Variants in RDH5 observed in about 807,000 individuals in gnomAD.
RDH5 encodes the protein retinol dehydrogenase 5.
Under a neutral mutation model 24.0 loss-of-function variants are expected in RDH5, and 25 were observed. That is an observed-to-expected ratio of 1.04 (90% CI 0.76 to 1.46). The LOEUF (loss-of-function observed/expected upper bound fraction) is 1.46, where lower values mean the gene tolerates loss of function less well. RDH5 is among the 40% of genes most tolerant of loss of function. RDH5 has a pLI of 0.00. For missense variants in RDH5, 369 were observed against 410.3 expected (o/e 0.90, Z 0.87); for synonymous variants, 170 against 175.2 (o/e 0.97, Z 0.23).
Position 55,724,437 on chromosome 12 carries a change from A to C in RDH5, c.849A>C (p.Pro283=), listed in dbSNP as rs748459934. 19 of 1,614,066 alleles carry C rather than the reference A, an allele frequency of 1.2e-5. No homozygotes were observed. The highest frequency in any genetic ancestry group is 1.6e-5 in the Non-Finnish European group (19 of 1,180,042). Reference sequence around the variant, plus strand: ...GACACCCCCGAACCCGCTACAGCCCAGGTTGGGATGCCAAGCTGCTCTGGC... The same window carrying C: ...GACACCCCCGAACCCGCTACAGCCCCGGTTGGGATGCCAAGCTGCTCTGGC... ...TARHPRTRYS[P]GWDAKLLWLP... The change falls in exon 5 of 5, where the codon CCA becomes CCC. Residue 283 remains proline (P), a synonymous_variant. Coordinates refer to ENST00000257895, the MANE Select transcript of RDH5 (RefSeq NM_002905.5).
In RDH5 at chr12:55,721,455, C is replaced by G. The variant is rs1876915121; in HGVS notation, c.271C>G (p.Gln91Glu). The G allele has an allele frequency of 6.2e-7, 1 of 1,612,148 alleles. No homozygotes were observed. The highest frequency in any genetic ancestry group is 1.1e-5 in the South Asian group (1 of 91,088). The change falls in exon 2 of 5, where the codon CAG becomes GAG. Residue 91 changes from glutamine to glutamate, a missense_variant. By Grantham distance (29) the Gln-to-Glu change is conservative. Coordinates refer to ENST00000257895, the MANE Select transcript of RDH5 (RefSeq NM_002905.5). This position sits in a 1 kb window ranked among gnomAD's most constrained non-coding sequence, Gnocchi z 4.7. Reference protein sequence around the residue: ...LDITDPQSVQQAAKWVEMHVK... With the variant: ...LDITDPQSVQEAAKWVEMHVK... ...TATCACTGATCCCCAGAGCGTCCAG[C>G]AGGCAGCCAAGTGGGTGGAGATGCA...
chr12:55,723,650 T>G (rs1877034515), intron 3 of RDH5: 1 of 545,342 alleles, frequency 1.8e-6, no homozygotes, highest in African/African-American at 1.9e-5. Context: ...AAATATTAAC[T>G]CTCTGGCCCT....
chr12:55,723,441 G>T, intron 3 of RDH5: 1 of 246,608 alleles, frequency 4.1e-6, no homozygotes, highest in Non-Finnish European at 8.0e-6. Flanking sequence ...CCAGCACTCA[G>T]GGCTCAACCA....
At chr12:55,723,287 T>C (rs1877010067) in intron 3 of RDH5, 1 of 156,082 alleles carries the variant, frequency 6.4e-6, no homozygotes, top group Admixed American at 6.3e-5. Flanking sequence ...ACACATACTT[T>C]ATACTTGAAT....
chr12:55,722,190 G>A lies in RDH5; in HGVS notation c.569+243G>A, dbSNP rs189374846. On this transcript the variant is annotated intron_variant, in intron 3 of 4. Coordinates refer to ENST00000257895, the MANE Select transcript of RDH5 (RefSeq NM_002905.5). ...TTTTGAGATGGAGTCTTGCTCTGTC[G>A]CCAGGCTGGAGTGCAGTGGCGCGAT... 7.7e-4 allele frequency: 371 copies of A among 482,830 alleles called. 4 individuals carry two copies. The highest frequency in any genetic ancestry group is 6.5e-3 in the African/African-American group (336 of 51,604). 29.9% of individuals were successfully genotyped at this position (482,830 alleles called of 1,614,324 possible).
intron 1 of RDH5, chr12:55,720,769 C>A: frequency 4.7e-6 from 1 of 215,040 alleles, no homozygotes; most frequent in Non-Finnish European, 9.4e-6. Context: ...ACACAAGACC[C>A]AGGTTGCATA....
intron 1 of RDH5, among the ~76,000 whole-genome samples, 168 bp from the exon 2 acceptor site, chr12:55,720,985 G>T (rs3138144): frequency 6.6e-6 from 1 of 151,840 alleles, no homozygotes; most frequent in African/African-American, 2.4e-5. Context: ...ACAAATACAG[G>T]GTCTGCCCAC....
Position 55,724,343 on chromosome 12 carries a change from T to A in RDH5, c.755T>A (p.Ile252Asn), listed in dbSNP as rs1238384992. ...GCAGACCTGAAAATGCAACAGCGCA[T>A]CATGAACCTGATCTGTGACCCGGAC... Reference protein sequence around the residue: ...LTKYLKMQQRIMNLICDPDLT... With the variant: ...LTKYLKMQQRNMNLICDPDLT... Residue 252 changes from isoleucine to asparagine, a missense_variant, in exon 5 of 5, where the codon ATC (isoleucine) becomes AAC (asparagine). Transcript: ENST00000257895. 1.2e-6 allele frequency: 2 copies of A among 1,614,118 alleles called. No individual in the cohort carries two copies. Among genetic ancestry groups the A allele is most frequent in the South Asian group, 2.2e-5 (2 of 91,086 alleles).
rs1225817636 is a variant in RDH5 at position 55,724,033 on chromosome 12, G to T, written c.717G>T (p.Gly239=). Residue 239 remains glycine (G), a synonymous_variant, in exon 4 of 5, where the codon GGG becomes GGT. Coordinates refer to ENST00000257895, the MANE Select transcript of RDH5 (RefSeq NM_002905.5). ...LPPATQAHYG[G]AFLTKYLKMQ... is the part of the protein sequence containing the mutation. ...CTGCCACACAGGCCCACTATGGGGGGGCCTTCCTCACCAAGTGTGAGTAGC... is the reference window on the plus strand; with the variant it reads ...CTGCCACACAGGCCCACTATGGGGGTGCCTTCCTCACCAAGTGTGAGTAGC... 6.2e-7 allele frequency: 1 copy of T among 1,611,136 alleles called. No individual in the cohort carries two copies.
chr12:55,721,094 A>C lies in RDH5; in HGVS notation c.-32-59A>C. On this transcript the variant is annotated intron_variant, in intron 1 of 4. Coordinates refer to ENST00000257895, the MANE Select transcript of RDH5 (RefSeq NM_002905.5). This position sits in a 1 kb window ranked among gnomAD's most constrained non-coding sequence, Gnocchi z 4.7. ...CCAGATGCTTCCAGCTAGGGAGGGT[A>C]TTAGGGGAAAGGGCTTGAGGGCCAC... The C allele has an allele frequency of 5.4e-6, 6 of 1,115,274 alleles. No homozygotes were observed. The highest frequency in any genetic ancestry group is 2.4e-5 in the East Asian group (1 of 42,280). 69.1% of individuals were successfully genotyped at this position (1,115,274 alleles called of 1,614,324 possible).
intron 4 of RDH5, 132 bp downstream of exon 4, chr12:55,724,181 T>G: frequency 6.9e-7 from 1 of 1,448,798 alleles, no homozygotes; most frequent in Non-Finnish European, 9.5e-7. Context: ...GTTACAAGAG[T>G]GCCCAGGCCA....
Position 55,724,310 on chromosome 12 carries a change from A to T in RDH5, c.734-12A>T, listed in dbSNP as rs371942312. 3 of 1,613,990 alleles carry T rather than the reference A, an allele frequency of 1.9e-6. No individual in the cohort carries two copies. Among genetic ancestry groups the T allele is most frequent in the Non-Finnish European group, 2.5e-6 (3 of 1,179,840 alleles). ...GAAGGGAAACTGATTGCAACCACCT[A>T]TGGGGCTGCAGACCTGAAAATGCAA... On this transcript the variant is annotated splice_polypyrimidine_tract_variant and intron_variant, in intron 4 of 4. Transcript: ENST00000257895.
rs1301645570 is a variant in RDH5 at position 55,721,564 on chromosome 12, C to G, written c.310+70C>G. On this transcript the variant is annotated intron_variant, in intron 2 of 4. Coordinates refer to ENST00000257895, the MANE Select transcript of RDH5 (RefSeq NM_002905.5). This position sits in a 1 kb window ranked among gnomAD's most constrained non-coding sequence, Gnocchi z 4.7. ...TCCCCACAGTCACCCCAGGAGTCACCTGCAAGGGCTGTGGTAAGCTAAAGG... is the reference window on the plus strand; with the variant it reads ...TCCCCACAGTCACCCCAGGAGTCACGTGCAAGGGCTGTGGTAAGCTAAAGG... The G allele has an allele frequency of 4.4e-6, 7 of 1,595,100 alleles. No individual in the cohort carries two copies. Among genetic ancestry groups the G allele is most frequent in the African/African-American group, 1.3e-5 (1 of 74,928 alleles).
At position 55,720,467 on chromosome 12, in the gene RDH5, A is replaced by G. The variant is rs986829815; in HGVS notation, c.-83A>G. 6.6e-6 allele frequency: 1 copy of G among 152,436 alleles called. No individual in the cohort carries two copies. Among genetic ancestry groups the G allele is most frequent in the African/African-American group, 2.4e-5 (1 of 41,460 alleles). The allele number at this position is 152,436 out of a possible 1,614,324, so 9.4% of individuals were successfully genotyped here. A position where few individuals can be genotyped will look rare whatever the true frequency, so the allele number is the denominator to read the frequency against. On this transcript the variant is annotated 5_prime_UTR_variant, in exon 1 of 5. Coordinates refer to ENST00000257895, the MANE Select transcript of RDH5 (RefSeq NM_002905.5). ...TGGGAGCAGTCTCTTAAACAAAAGC[A>G]AAAGAATAAGCTTCGGGCGCTGTAG... is the stretch of plus-strand genomic sequence containing the variant.
Position 55,724,448 on chromosome 12 carries a change from C to G in RDH5, c.860C>G (p.Ala287Gly). Residue 287 changes from alanine (A) to glycine (G), a missense_variant, in exon 5 of 5, where the codon GCC becomes GGC. By Grantham distance (60) the Ala-to-Gly change is moderately conservative. Transcript: ENST00000257895. ...PRTRYSPGWD[A>G]KLLWLPASYL... ...ACCCGCTACAGCCCAGGTTGGGATGCCAAGCTGCTCTGGCTGCCTGCCTCC... is the reference window on the plus strand; with the variant it reads ...ACCCGCTACAGCCCAGGTTGGGATGGCAAGCTGCTCTGGCTGCCTGCCTCC... 6.2e-7 allele frequency: 1 copy of G among 1,614,120 alleles called. No individual in the cohort carries two copies. The highest frequency in any genetic ancestry group is 1.1e-5 in the South Asian group (1 of 91,090).
At position 55,721,284 on chromosome 12, in the gene RDH5, A is replaced by G. The variant is rs766584523; in HGVS notation, c.100A>G (p.Thr34Ala). 6 of 1,613,956 alleles carry G rather than the reference A, an allele frequency of 3.7e-6. No homozygotes were observed. The highest frequency in any genetic ancestry group is 5.1e-6 in the Non-Finnish European group (6 of 1,180,046). ...LPASNAFVFITGCDSGFGRLL... is the reference protein window; with the variant it reads ...LPASNAFVFIAGCDSGFGRLL... Reference sequence around the variant, plus strand: ...CGCCAGCAATGCCTTTGTCTTCATCACCGGCTGTGACTCAGGCTTTGGGCG... The same window carrying G: ...CGCCAGCAATGCCTTTGTCTTCATCGCCGGCTGTGACTCAGGCTTTGGGCG... Residue 34 changes from threonine to alanine, a missense_variant, in exon 2 of 5, where the codon ACC (threonine) becomes GCC (alanine). Thr to Ala is a moderately conservative substitution (Grantham distance 58, BLOSUM62 0). Coordinates refer to ENST00000257895, the MANE Select transcript of RDH5 (RefSeq NM_002905.5). The surrounding 1 kb of genome is among the most constrained non-coding windows in gnomAD (Gnocchi z 4.7).
Position 55,721,420 on chromosome 12 carries a change from C to T in RDH5, c.236C>T (p.Thr79Ile), listed in dbSNP as rs2136139066. 6.2e-7 allele frequency: 1 copy of T among 1,613,826 alleles called. No homozygotes were observed. Among genetic ancestry groups the T allele is most frequent in the Non-Finnish European group, 8.5e-7 (1 of 1,180,022 alleles). Residue 79 changes from threonine (T) to isoleucine (I), a missense_variant, in exon 2 of 5, where the codon ACC becomes ATC. Physicochemically the swap from Thr to Ile is moderately conservative, Grantham distance 89. Coordinates refer to ENST00000257895, the MANE Select transcript of RDH5 (RefSeq NM_002905.5). The surrounding 1 kb of genome is among the most constrained non-coding windows in gnomAD (Gnocchi z 4.7). ...GTGGCCTCCTCCCGCCTCCACACCA[C>T]CCTGTTGGATATCACTGATCCCCAG... ...QRVASSRLHT[T>I]LLDITDPQSV...
rs988682607 is a variant in RDH5 at position 55,721,023 on chromosome 12, G to A, written c.-32-130G>A. ...CTTTGCTTTGAACAGATGAGCCATG[G>A]TTGGCCAATTATCTGCCAACCAGAT... On this transcript the variant is annotated intron_variant, in intron 1 of 4. Coordinates refer to ENST00000257895, the MANE Select transcript of RDH5 (RefSeq NM_002905.5). This position sits in a 1 kb window ranked among gnomAD's most constrained non-coding sequence, Gnocchi z 4.7. 1 of 680,448 alleles carries A rather than the reference G, an allele frequency of 1.5e-6. No individual in the cohort carries two copies. Among genetic ancestry groups the A allele is most frequent in the African/African-American group, 1.8e-5 (1 of 56,810 alleles). The allele number at this position is 680,448 out of a possible 1,614,324, so 42.2% of individuals were successfully genotyped here.
intron 1 of RDH5, among the ~76,000 whole-genome samples, 192 bp from the exon 2 acceptor site, chr12:55,720,961 T>C (rs1876883797): frequency 6.6e-6 from 1 of 152,018 alleles, no homozygotes. Flanking sequence ...CATGTGGTTT[T>C]AGTTAAGTTA....
Sources: allele counts gnomAD v4.1 joint callset (sites outside exome capture counted in the v4.1 genomes callset), GRCh38; gene constraint gnomAD v4.1.1; non-coding constraint Gnocchi (gnomAD v3.1); transcripts MANE v1.5; gene names NCBI Gene and HGNC (gene_info 2026-07-23, HGNC 2026-07-21).